Variants in IQCM observed in about 807,000 individuals in gnomAD.
The protein encoded by IQCM is IQ motif containing M.
IQCM carries 45 observed loss-of-function variants against 57.6 expected under a neutral mutation model. That is an observed-to-expected ratio of 0.78 (90% CI 0.62 to 1.00). The LOEUF (loss-of-function observed/expected upper bound fraction) is 1.00, where lower values mean the gene tolerates loss of function less well. IQCM is among the 50% of genes least tolerant of loss of function. IQCM has a pLI of 0.00. For missense variants in IQCM, 468 were observed against 511.6 expected (o/e 0.91, Z 0.82); for synonymous variants, 148 against 158.9 (o/e 0.93, Z 0.51).
intron 8 of IQCM, among the ~76,000 whole-genome samples, chr4:149,596,334 G>A (rs1753778465): frequency 6.6e-6 from 1 of 152,096 alleles, no homozygotes. Context: ...TGAGCTGATG[G>A]GAAAGTAATG....
chr4:149,583,693 G>A (rs541591681), intron 9 of IQCM, among the ~76,000 whole-genome samples: 5 of 151,546 alleles, frequency 3.3e-5, no homozygotes, highest in Non-Finnish European at 7.4e-5. Context: ...TGGACCTCAA[G>A]GAACATTATG....
At chr4:149,769,040 T>C (rs1268886367) in intron 2 of IQCM, among the ~76,000 whole-genome samples, 1 of 152,226 alleles carries the variant, frequency 6.6e-6, no homozygotes, top group Admixed American at 6.5e-5. Context: ...AAATAATCTT[T>C]CATTATATAG....
At chr4:149,583,932 T>C (rs943497704) in intron 9 of IQCM, among the ~76,000 whole-genome samples, 1 of 151,390 alleles carries the variant, frequency 6.6e-6, no homozygotes. Flanking sequence ...TTGAAAAATA[T>C]GATGCTAGGA....
chr4:149,566,066 T>G (rs1484948660), intron 9 of IQCM, among the ~76,000 whole-genome samples: 1 of 152,178 alleles, frequency 6.6e-6, no homozygotes, highest in Non-Finnish European at 1.5e-5. Flanking sequence ...TTTGAATAGC[T>G]TAGAAAAGAG....
At chr4:149,658,898 T>C (rs1185921755) in intron 7 of IQCM, among the ~76,000 whole-genome samples, 1 of 152,200 alleles carries the variant, frequency 6.6e-6, no homozygotes, top group South Asian at 2.1e-4. Flanking sequence ...GTTTTCTATA[T>C]ATAAGATCAT....
At chr4:149,407,454 T>G (rs966732216) in intron 13 of IQCM, among the ~76,000 whole-genome samples, 5 of 152,138 alleles carry the variant, frequency 3.3e-5, no homozygotes, top group African/African-American at 1.2e-4. Flanking sequence ...CAACAGGTGA[T>G]ATTTCATCCC....
At chr4:149,401,890 A>G (rs1398031885) in intron 13 of IQCM, among the ~76,000 whole-genome samples, 2 of 151,794 alleles carry the variant, frequency 1.3e-5, no homozygotes. Flanking sequence ...GGATATTGAG[A>G]GCATTTTGTC....
intron 13 of IQCM, among the ~76,000 whole-genome samples, chr4:149,379,516 T>C (rs1352479550): frequency 1.3e-5 from 2 of 152,202 alleles, no homozygotes; most frequent in Non-Finnish European, 2.9e-5. Context: ...CTTCAAGATT[T>C]AACTGCCCTG....
intron 9 of IQCM, among the ~76,000 whole-genome samples, chr4:149,585,939 A>G (rs1579587401): frequency 2.0e-5 from 3 of 151,766 alleles, no homozygotes; most frequent in South Asian, 4.1e-4. Context: ...TCCCTGAAAA[A>G]CTTACACAGG....
chr4:149,733,102 T>G (rs1264916046), intron 5 of IQCM, 142 bp downstream of exon 5: 8 of 714,716 alleles, frequency 1.1e-5, no homozygotes, highest in African/African-American at 1.8e-5. Context: ...GCAGCTCTAA[T>G]AATCAGGCCT....
intron 9 of IQCM, among the ~76,000 whole-genome samples, chr4:149,583,852 A>C (rs1441004411): frequency 6.6e-6 from 1 of 151,662 alleles, no homozygotes; most frequent in Admixed American, 6.6e-5. Flanking sequence ...CTAATAATAT[A>C]AACTGTTTTT....
At chr4:149,478,167 A>G (rs1740401622) in intron 12 of IQCM, among the ~76,000 whole-genome samples, 2 of 152,142 alleles carry the variant, frequency 1.3e-5, no homozygotes, top group African/African-American at 2.4e-5. Context: ...AGCACATGAA[A>G]AGCCCCTGAG....
At chr4:149,426,464 G>A (rs974585952) in intron 13 of IQCM, among the ~76,000 whole-genome samples, 2 of 151,870 alleles carry the variant, frequency 1.3e-5, no homozygotes, top group African/African-American at 4.8e-5. Context: ...CAAACTAGAG[G>A]CATAAAACAA....
At chr4:149,449,373 A>ATATATTATATATATAATATATATATT (rs1452181872) in intron 12 of IQCM, among the ~76,000 whole-genome samples, 6 of 145,968 alleles carry the variant, frequency 4.1e-5, no homozygotes, top group African/African-American at 1.2e-4. Context: ...ACATTATATT[A>ATATATTATATATATAATATATATATT]TATATTATAT....
Position 149,354,978 on chromosome 4 carries a change from T to G in IQCM, c.1391-2912A>C, listed in dbSNP as rs546761725. The stretch of plus-strand genomic sequence containing the variant: ...CATTCCATACTTCTGTAAACCAATA[T>G]TTCTGTAAAAGTAGAATAATGATAA... On this transcript the variant is annotated intron_variant, in intron 13 of 13. Transcript: ENST00000636793. 1.9e-3 allele frequency among the ~76,000 whole-genome samples: 283 copies of G among 152,204 alleles called. 1 individual carries two copies. Among genetic ancestry groups the G allele is most frequent in the Middle Eastern group, 6.8e-3 (2 of 294 alleles).
At chr4:149,401,921 T>C (rs1014899252) in intron 13 of IQCM, among the ~76,000 whole-genome samples, 2 of 151,796 alleles carry the variant, frequency 1.3e-5, no homozygotes, top group African/African-American at 4.8e-5. Context: ...TAAACATTAA[T>C]TATATTTTTA....
At chr4:149,746,367 C>T (rs1438434417) in intron 2 of IQCM, among the ~76,000 whole-genome samples, 1 of 152,182 alleles carries the variant, frequency 6.6e-6, no homozygotes, top group Non-Finnish European at 1.5e-5. Context: ...ACATCTGCTT[C>T]TCCCCATCTT....
chr4:149,593,232 T>C (rs1279241008), intron 8 of IQCM, among the ~76,000 whole-genome samples: 1 of 152,060 alleles, frequency 6.6e-6, no homozygotes, highest in African/African-American at 2.4e-5. Context: ...TGAATGGGAG[T>C]TCACTCACGA....
intron 5 of IQCM, among the ~76,000 whole-genome samples, chr4:149,731,991 A>T (rs979621473): frequency 6.6e-6 from 1 of 152,088 alleles, no homozygotes; most frequent in Non-Finnish European, 1.5e-5. Flanking sequence ...ATGCTTCCCT[A>T]CTGCCCTAAT....
Sources: allele counts gnomAD v4.1 joint callset (sites outside exome capture counted in the v4.1 genomes callset), GRCh38; gene constraint gnomAD v4.1.1; transcripts MANE v1.5; gene names NCBI Gene and HGNC (gene_info 2026-07-23, HGNC 2026-07-21).